The following GALNT3 variants were observed in gnomAD, a reference collection of about 807,000 sequenced individuals.
GALNT3 encodes GalNAc transferase 3.
In GALNT3, 51 loss-of-function variants were observed where a neutral mutation model predicts 69.8. The ratio of observed to expected loss-of-function variants is 0.73; its 90% CI spans 0.58 to 0.92. The LOEUF is 0.92. Ranked by LOEUF, GALNT3 falls within the 40% of genes least tolerant of loss-of-function variation. The pLI is 0.00. For missense variants in GALNT3, 711 were observed against 760.0 expected, an observed-to-expected ratio of 0.94 and a Z score of 0.76; for synonymous variants, 265 against 248.5, an observed-to-expected ratio of 1.07 and a Z score of -0.63.
At chr2:165,773,805 A>C (rs1287246908) in intron 1 of GALNT3, among the ~76,000 whole-genome samples, 6 of 152,106 alleles carry the variant, frequency 3.9e-5, no homozygotes, top group Non-Finnish European at 8.8e-5. Context: ...GGTAAAAAAA[A>C]AAAAAAGACA....
Position 165,757,055 on chromosome 2 carries a change from C to T in GALNT3, c.1384G>A (p.Val462Ile), listed in dbSNP as rs373760885. ...YRRNTDAAKI[V>I]KQKAFGDLSK... ...ACTTAGCTTTAACTTACTTGTTTAA[C>T]AATTTTTGCTGCATCTGTATTTCTC... The change falls in exon 7 of 11, where the codon GTT becomes ATT. Residue 462 changes from valine (V) to isoleucine (I), a missense_variant. Physicochemically the swap from Val to Ile is conservative, Grantham distance 29. Transcript: ENST00000392701. 6.2e-7 allele frequency: 1 copy of T among 1,612,340 alleles called. No homozygotes were observed. Among genetic ancestry groups the T allele is most frequent in the Non-Finnish European group, 8.5e-7 (1 of 1,178,678 alleles).
rs763332856 is a variant in GALNT3, at chr2:165,761,924, G to A, written c.819C>T (p.Leu273=). 4.3e-6 allele frequency: 7 copies of A among 1,614,066 alleles called. No individual in the cohort carries two copies. Among genetic ancestry groups the A allele is most frequent in the Non-Finnish European group, 4.2e-6 (5 of 1,180,018 alleles). ...ACTTACAGTGAGCATCTAAAAATGT[G>A]AGCGTTTCAGCTGTTGCGACTGTTG... ...LGATVATAET[L]TFLDAHCECF... Residue 273 remains leucine, a synonymous_variant, in exon 4 of 11, where the codon CTC becomes CTT. Coordinates refer to ENST00000392701, the MANE Select transcript of GALNT3 (RefSeq NM_004482.4).
intron 2 of GALNT3, 137 bp downstream of exon 2, chr2:165,770,049 A>G (rs1222878945): frequency 8.3e-6 from 8 of 968,106 alleles, no homozygotes; most frequent in Non-Finnish European, 1.3e-5. Flanking sequence ...AAAAATAAAT[A>G]CAACAGGTTA....
intron 1 of GALNT3, among the ~76,000 whole-genome samples, chr2:165,786,234 G>A (rs969885778): frequency 5.3e-5 from 8 of 152,142 alleles, no homozygotes; most frequent in African/African-American, 1.9e-4. Context: ...AAAAGGTAAG[G>A]GCTAGAAGAA....
At chr2:165,764,112 A>G (rs1009364302) in intron 3 of GALNT3, among the ~76,000 whole-genome samples, 6 of 152,208 alleles carry the variant, frequency 3.9e-5, no homozygotes, top group African/African-American at 1.4e-4. Flanking sequence ...AAGTTAGAGT[A>G]TTTGTTAAAT....
chr2:165,761,674 T>C (rs1688550881), intron 4 of GALNT3: 1 of 705,486 alleles, frequency 1.4e-6, no homozygotes, highest in South Asian at 1.5e-5. Context: ...TGGAGAACAC[T>C]GAAGTTGAGG....
chr2:165,767,046 T>C (rs1055702285), intron 2 of GALNT3, among the ~76,000 whole-genome samples: 5 of 152,150 alleles, frequency 3.3e-5, no homozygotes, highest in Non-Finnish European at 5.9e-5. Flanking sequence ...TCATCATTCA[T>C]AAATAAAAAC....
intron 1 of GALNT3, among the ~76,000 whole-genome samples, chr2:165,774,909 C>CTTTTTTTTT (rs71031204): frequency 3.4e-4 from 35 of 104,320 alleles, no homozygotes; most frequent in African/African-American, 4.5e-4. Flanking sequence ...CTTCTTCTCT[C>CTTTTTTTTT]TTTTTTTTTT....
chr2:165,758,738 T>G lies in GALNT3; in HGVS notation c.1191+9A>C. 1 of 1,466,684 alleles carries G rather than the reference T, an allele frequency of 6.8e-7. No individual in the cohort carries two copies. Among genetic ancestry groups the G allele is most frequent in the Non-Finnish European group, 9.6e-7 (1 of 1,045,920 alleles). The allele number at this position is 1,466,684 out of a possible 1,614,324, so 90.9% of individuals were successfully genotyped here. On this transcript the variant is annotated intron_variant, in intron 6 of 10. Transcript: ENST00000392701. ...ATATATCTGCTATATTTAATTTCCATAAACTTACTCTGAAAGACATTTCTA... is the reference window on the plus strand; with the variant it reads ...ATATATCTGCTATATTTAATTTCCAGAAACTTACTCTGAAAGACATTTCTA...
chr2:165,770,529 T>A lies in GALNT3; in HGVS notation c.172A>T (p.Asn58Tyr), dbSNP rs1228515319. The A allele has an allele frequency of 6.2e-7, 1 of 1,614,174 alleles. No individual in the cohort carries two copies. The highest frequency in any genetic ancestry group is 8.5e-7 in the Non-Finnish European group (1 of 1,180,030). ...ATTAAATCCAACATCTTGTTTTTGT[T>A]TTTCATGTTCCTTTCCATCCTTGAT... The part of the protein sequence containing the change: ...EESRMERNMK[N>Y]KNKMLDLMLE... Residue 58 changes from asparagine to tyrosine, a missense_variant, in exon 2 of 11, where the codon AAC (asparagine) becomes TAC (tyrosine). Transcript: ENST00000392701.
chr2:165,783,950 C>A (rs1402802907), intron 1 of GALNT3, among the ~76,000 whole-genome samples: 4 of 152,116 alleles, frequency 2.6e-5, no homozygotes, highest in Admixed American at 2.6e-4. Flanking sequence ...TTGAAGCGAA[C>A]AATATCCCTC....
intron 3 of GALNT3, among the ~76,000 whole-genome samples, chr2:165,763,164 G>C (rs1000711524): frequency 1.8e-4 from 28 of 151,966 alleles, no homozygotes; most frequent in African/African-American, 6.3e-4. Flanking sequence ...TTCTTATTGA[G>C]TACAAAATGC....
At chr2:165,755,899 T>C (rs1239214487) in intron 7 of GALNT3, among the ~76,000 whole-genome samples, 1 of 152,202 alleles carries the variant, frequency 6.6e-6, no homozygotes, top group Non-Finnish European at 1.5e-5. Context: ...ATTTACCATG[T>C]AGATCTATGT....
At chr2:165,788,135 T>C (rs1048262811) in intron 1 of GALNT3, among the ~76,000 whole-genome samples, 3 of 151,858 alleles carry the variant, frequency 2.0e-5, no homozygotes, top group African/African-American at 7.3e-5. Flanking sequence ...AAGACCAACC[T>C]GGCTAACACG....
chr2:165,792,059 T>C (rs1437674663), intron 1 of GALNT3, among the ~76,000 whole-genome samples: 1 of 152,212 alleles, frequency 6.6e-6, no homozygotes. Flanking sequence ...GGAATGATCA[T>C]GCCATCTCTG....
At chr2:165,768,861 T>C (rs1263259300) in intron 2 of GALNT3, among the ~76,000 whole-genome samples, 1 of 149,962 alleles carries the variant, frequency 6.7e-6, no homozygotes, top group East Asian at 2.0e-4. Context: ...ACGGCACAGA[T>C]CTCCGCTCAC....
intron 3 of GALNT3, 102 bp downstream of exon 3, chr2:165,764,782 C>G (rs1688608367): frequency 8.6e-7 from 1 of 1,163,706 alleles, no homozygotes; most frequent in Non-Finnish European, 1.3e-6. Flanking sequence ...CTATTATATT[C>G]AAGCTCTGAG....
At chr2:165,758,689 G>T in intron 6 of GALNT3, 58 bp downstream of exon 6, 1 of 1,103,930 alleles carries the variant, frequency 9.1e-7, no homozygotes, top group Non-Finnish European at 1.4e-6. Context: ...CAGCCGATTA[G>T]AACACAATAT....
intron 9 of GALNT3, among the ~76,000 whole-genome samples, chr2:165,752,925 G>T (rs916146307): frequency 1.3e-5 from 2 of 151,980 alleles, no homozygotes; most frequent in Admixed American, 1.3e-4. Context: ...TATATGTACA[G>T]ATATATATGT....
Sources: gnomAD v4.1 joint callset for allele counts (sites outside exome capture counted in the v4.1 genomes callset) on GRCh38, gnomAD v4.1.1 for gene constraint, MANE v1.5 for transcripts, NCBI Gene and HGNC (gene_info 2026-07-23, HGNC 2026-07-21) for gene names.